GGA3: variants seen among roughly 807,000 people sequenced by gnomAD.
The protein encoded by GGA3 is golgi associated, gamma adaptin ear containing, ARF binding protein 3, also known as ADP-ribosylation factor-binding protein GGA3.
A neutral mutation model predicts 77.5 loss-of-function variants in GGA3; 57 were observed. The observed-to-expected ratio is 0.74, with a 90% CI of 0.59 to 0.92. The LOEUF (loss-of-function observed/expected upper bound fraction) is 0.92. Ranked by LOEUF, GGA3 falls within the 40% of genes least tolerant of loss-of-function variation. GGA3 has a pLI of 0.00. For missense variants in GGA3, 970 were observed against 914.9 expected (o/e 1.06, Z -0.78); for synonymous variants, 416 against 383.7 (o/e 1.08, Z -0.98).
chr17:75,239,670 C>T, intron 13 of GGA3, 99 bp from the exon 14 acceptor site: 1 of 1,464,988 alleles, frequency 6.8e-7, no homozygotes, highest in Non-Finnish European at 9.5e-7. Context: ...AGGCCCACCC[C>T]TTGCCTTCCA....
At chr17:75,242,806 G>A (rs758886560) in intron 7 of GGA3, 25 bp downstream of exon 7, 4 of 1,568,300 alleles carry the variant, frequency 2.6e-6, no homozygotes, top group Non-Finnish European at 3.5e-6. Flanking sequence ...TCCACCCCGT[G>A]CCTGAAGGAC....
intron 1 of GGA3, among the ~76,000 whole-genome samples, chr17:75,257,276 G>T (rs1598450682): frequency 4.7e-5 from 2 of 42,990 alleles, no homozygotes; most frequent in Non-Finnish European, 7.8e-5. Context: ...AACTTAGACT[G>T]TGCCCCCCCC....
chr17:75,261,907 G>T (rs1056759007), upstream of GGA3: 13 of 1,608,596 alleles, frequency 8.1e-6, no homozygotes, highest in Non-Finnish European at 1.1e-5. Flanking sequence ...CAAGATGGCT[G>T]CCCCCGCAGT....
At chr17:75,261,679 G>T, upstream of GGA3, 1 of 1,303,186 alleles carries the variant, frequency 7.7e-7, no homozygotes, top group South Asian at 1.5e-5. Context: ...TGAGAGGAGT[G>T]AGTGCCGTCA....
chr17:75,237,947 T>C lies in GGA3; in HGVS notation c.*332A>G. The C allele has an allele frequency of 1.2e-5, 9 of 768,768 alleles. No individual in the cohort carries two copies. Among genetic ancestry groups the C allele is most frequent in the Non-Finnish European group, 1.3e-5 (8 of 615,644 alleles). The allele number at this position is 768,768 out of a possible 1,614,324, so 47.6% of individuals were successfully genotyped here. On this transcript the variant is annotated 3_prime_UTR_variant, in exon 17 of 17. Coordinates refer to ENST00000537686, the MANE Select transcript of GGA3 (RefSeq NM_138619.4). ...CCCCCCACCCCCCACCCCAGTGGCT[T>C]CAGTGAATGCCAGTAGAAGGAAGCA...
Position 75,238,203 on chromosome 17 carries a change from G to GT in GGA3, c.*75dup. 1 of 1,565,316 alleles carries GT rather than the reference G, an allele frequency of 6.4e-7. No individual in the cohort carries two copies. The highest frequency in any genetic ancestry group is 8.7e-7 in the Non-Finnish European group (1 of 1,153,962). Reference sequence around the variant, plus strand: ...AAGCACTGTTGTCAGGGCATGGAGAGTGACGGGACCAGAGCCCTCCTCGTC... The same window carrying GT: ...AAGCACTGTTGTCAGGGCATGGAGAGTTGACGGGACCAGAGCCCTCCTCGTC... On this transcript the variant is annotated 3_prime_UTR_variant, in exon 17 of 17. Transcript: ENST00000537686.
chr17:75,238,942 C>T lies in GGA3; in HGVS notation c.1922G>A (p.Ser641Asn), dbSNP rs777527757. ...GGGCACTGCAGCCTGCAGCACGATG[C>T]TCTTGACAGGTAAGGGAGCCGTGTT... ...MLNTAPLPVKSIVLQAAVPKS... is the reference protein window; with the variant it reads ...MLNTAPLPVKNIVLQAAVPKS... The change falls in exon 15 of 17, where the codon AGC (serine) becomes AAC (asparagine). Residue 641 changes from serine to asparagine, a missense_variant. Ser to Asn is a conservative substitution (Grantham distance 46, BLOSUM62 1). Transcript: ENST00000537686. 2 of 1,614,116 alleles carry T rather than the reference C, an allele frequency of 1.2e-6. No individual in the cohort carries two copies. The highest frequency in any genetic ancestry group is 1.7e-6 in the Non-Finnish European group (2 of 1,180,008).
chr17:75,237,710 G>A lies in GGA3; in HGVS notation c.*569C>T. 6.9e-7 allele frequency: 1 copy of A among 1,451,520 alleles called. No individual in the cohort carries two copies. The highest frequency in any genetic ancestry group is 9.1e-7 in the Non-Finnish European group (1 of 1,103,734). 89.9% of individuals were successfully genotyped at this position (1,451,520 alleles called of 1,614,324 possible). A position where few individuals can be genotyped will look rare whatever the true frequency, so the allele number is the denominator to read the frequency against. On this transcript the variant is annotated 3_prime_UTR_variant, in exon 17 of 17. Transcript: ENST00000537686. ...TCCAGGACGATGCTGTCCACCAGAG[G>A]CAGGGCTGGGGACTTTGCAGTATGC...
chr17:75,242,946 GGCA>G, intron 6 of GGA3, 35 bp from the exon 7 acceptor site: 2 of 1,563,266 alleles, frequency 1.3e-6, no homozygotes, highest in Non-Finnish European at 1.8e-6. Context: ...GAAGGGAAGA[GGCA>G]GCACCCGTAC....
chr17:75,261,282 G>A (rs932689217), intron 1 of GGA3, among the ~76,000 whole-genome samples: 1 of 152,222 alleles, frequency 6.6e-6, no homozygotes, highest in African/African-American at 2.4e-5. Context: ...GCCTTTCCCC[G>A]AGCCTGCGGT....
chr17:75,243,211 T>C, intron 5 of GGA3, 45 bp from the exon 6 acceptor site: 1 of 1,407,048 alleles, frequency 7.1e-7, no homozygotes, highest in Non-Finnish European at 9.9e-7. Context: ...TGTGGTTGCC[T>C]TGTCACCCCT....
At chr17:75,242,600 T>C (rs2076599565) in intron 7 of GGA3, 127 bp from the exon 8 acceptor site, 9 of 1,108,154 alleles carry the variant, frequency 8.1e-6, no homozygotes, top group Non-Finnish European at 1.2e-5. Flanking sequence ...GTGGGGTGCC[T>C]GGGGCCCAGT....
At chr17:75,241,741 G>C in intron 8 of GGA3, 45 bp from the exon 9 acceptor site, 1 of 1,489,654 alleles carries the variant, frequency 6.7e-7, no homozygotes, top group Non-Finnish European at 9.4e-7. Flanking sequence ...AAGGCCCTTA[G>C]AGATCATCTG....
Position 75,240,005 on chromosome 17 carries a change from C to T in GGA3, c.1367G>A (p.Ser456Asn), listed in dbSNP as rs1220671683. ...GGGAGGCGGCAGTGGAGCTTGGGAG[C>T]TGCTTGAGGAGGGGGCTGAGGGCTG... ...LLQPSAPSSS[S>N]SQAPLPPPFP... is the part of the protein sequence containing the mutation. The change falls in exon 13 of 17, where the codon AGC becomes AAC. Residue 456 changes from serine to asparagine, a missense_variant. Transcript: ENST00000537686. 1 of 1,553,668 alleles carries T rather than the reference C, an allele frequency of 6.4e-7. No homozygotes were observed. The highest frequency in any genetic ancestry group is 8.7e-7 in the Non-Finnish European group (1 of 1,149,200).
Position 75,261,593 on chromosome 17 carries a change from A to T in GGA3, c.-6T>A. Reference sequence around the variant, plus strand: ...TCCCCTTCCGCCTCCGCCATATTGCAGCCGCCCGGCCCCGCGGCTTCAAAA... The same window carrying T: ...TCCCCTTCCGCCTCCGCCATATTGCTGCCGCCCGGCCCCGCGGCTTCAAAA... On this transcript the variant is annotated 5_prime_UTR_variant, in exon 1 of 17. Coordinates refer to ENST00000537686, the MANE Select transcript of GGA3 (RefSeq NM_138619.4). The T allele has an allele frequency of 6.5e-7, 1 of 1,545,608 alleles. No homozygotes were observed.
At chr17:75,242,532 C>T (rs1253921503) in intron 7 of GGA3, 59 bp from the exon 8 acceptor site, 2 of 1,587,400 alleles carry the variant, frequency 1.3e-6, no homozygotes, top group Non-Finnish European at 1.7e-6. Flanking sequence ...TTTCCACTTC[C>T]ACCAGGTCAC....
intron 1 of GGA3, among the ~76,000 whole-genome samples, chr17:75,256,138 G>A (rs1041641265): frequency 6.6e-6 from 1 of 151,968 alleles, no homozygotes; most frequent in Non-Finnish European, 1.5e-5. Context: ...TCTTACACAA[G>A]AGCCAGGACC....
intron 1 of GGA3, among the ~76,000 whole-genome samples, chr17:75,254,110 T>C (rs1194035239): frequency 6.6e-6 from 1 of 152,156 alleles, no homozygotes; most frequent in African/African-American, 2.4e-5. Context: ...CCCAATGCGA[T>C]TCCTCCCAAA....
chr17:75,237,031 T>C lies in GGA3; in HGVS notation c.*1248A>G. On this transcript the variant is annotated 3_prime_UTR_variant, in exon 17 of 17. Transcript: ENST00000537686. ...CAGAGATGTCCGATTGCTGAGCTTG[T>C]TCACCTGGGCTCCGCAAGCTTCCCC... is the stretch of plus-strand genomic sequence containing the variant. The C allele has an allele frequency of 5.0e-6, 1 of 200,172 alleles. No individual in the cohort carries two copies. Among genetic ancestry groups the C allele is most frequent in the South Asian group, 9.4e-5 (1 of 10,640 alleles). The allele number at this position is 200,172 out of a possible 1,614,324, so 12.4% of individuals were successfully genotyped here. A position where few individuals can be genotyped will look rare whatever the true frequency, so the allele number is the denominator to read the frequency against.
Sources: allele counts gnomAD v4.1 joint callset (sites outside exome capture counted in the v4.1 genomes callset), GRCh38; gene constraint gnomAD v4.1.1; transcripts MANE v1.5; gene names NCBI Gene and HGNC (gene_info 2026-07-23, HGNC 2026-07-21).